AREL1: variants seen among roughly 807,000 people sequenced by gnomAD.
The protein encoded by AREL1 is apoptosis resistant E3 ubiquitin protein ligase 1, also known as apoptosis-resistant E3 ubiquitin protein ligase 1.
Under a neutral mutation model 99.0 loss-of-function variants are expected in AREL1, and 62 were observed. The observed-to-expected ratio is 0.63, with a 90% CI of 0.51 to 0.77. The LOEUF is 0.77. AREL1 is among the 30% of genes least tolerant of loss of function. AREL1 has a pLI of 0.00. For synonymous variants in AREL1, 380 were observed against 376.5 expected, an observed-to-expected ratio of 1.01 and a Z score of -0.11; for missense variants, 879 against 1,027.6, an observed-to-expected ratio of 0.86 and a Z score of 1.98.
At chr14:74,702,918 C>G (rs2090112019) in intron 1 of AREL1, among the ~76,000 whole-genome samples, 1 of 152,182 alleles carries the variant, frequency 6.6e-6, no homozygotes, top group African/African-American at 2.4e-5. Flanking sequence ...GAGACCACCT[C>G]AGCCTGGATT....
At chr14:74,690,761 T>C (rs999155551) in intron 2 of AREL1, among the ~76,000 whole-genome samples, 7 of 152,212 alleles carry the variant, frequency 4.6e-5, no homozygotes, top group Admixed American at 6.5e-5. Flanking sequence ...TTTATAAATA[T>C]GGCATATTGT....
chr14:74,705,449 C>G (rs1377747332), intron 1 of AREL1, among the ~76,000 whole-genome samples: 1 of 152,184 alleles, frequency 6.6e-6, no homozygotes, highest in Non-Finnish European at 1.5e-5. Context: ...TTTAGTCCCT[C>G]ACTTCTCTCC....
At chr14:74,684,399 G>A in intron 4 of AREL1, 55 bp downstream of exon 4, 1 of 1,544,008 alleles carries the variant, frequency 6.5e-7, no homozygotes. Flanking sequence ...CTGGGCTCTG[G>A]AAAGCAAGTT....
rs775067294 is a variant in AREL1, at chr14:74,684,431, T to C, written c.243+23A>G. On this transcript the variant is annotated intron_variant, in intron 4 of 19. Coordinates refer to ENST00000356357, the MANE Select transcript of AREL1 (RefSeq NM_001039479.2). ...AGTTACTCAGAAACCCCAATGGGTATGGAGACAGAAACATTCCCTTACATG... is the reference window on the plus strand; with the variant it reads ...AGTTACTCAGAAACCCCAATGGGTACGGAGACAGAAACATTCCCTTACATG... 2.7e-5 allele frequency: 43 copies of C among 1,610,120 alleles called. 1 individual carries two copies. In the South Asian group the frequency reaches 3.3e-4, roughly 12 times the overall value.
rs1162037372 is a variant in AREL1, at chr14:74,662,359, AT to A, written c.*1360del. On this transcript the variant is annotated 3_prime_UTR_variant, in exon 20 of 20. Transcript: ENST00000356357. ...TTTGGCAATAAAGATGGCTTGTAAT[AT>A]TCTCAGAGTTGACTGCCCCATTGGG... 2.6e-6 allele frequency: 1 copy of A among 384,138 alleles called. No homozygotes were observed. The highest frequency in any genetic ancestry group is 4.6e-6 in the Non-Finnish European group (1 of 217,234). 23.8% of individuals were successfully genotyped at this position (384,138 alleles called of 1,614,324 possible).
At position 74,667,504 on chromosome 14, in the gene AREL1, C is replaced by T; in HGVS notation, c.2005G>A (p.Ala669Thr). The change falls in exon 16 of 20, where the codon GCC becomes ACC. Residue 669 changes from alanine to threonine, a missense_variant. By Grantham distance (58) the Ala-to-Thr change is moderately conservative. Transcript: ENST00000356357. The stretch of plus-strand genomic sequence containing the variant: ...TCCACCTCCTCTTTCACTTGACTGG[C>T]CAGCCGATATTGGGCCAGCAAATTT... Reference protein sequence around the residue: ...YLNLLAQYRLASQVKEEVEHF... With the variant: ...YLNLLAQYRLTSQVKEEVEHF... 6.2e-7 allele frequency: 1 copy of T among 1,613,736 alleles called. No individual in the cohort carries two copies. The highest frequency in any genetic ancestry group is 8.5e-7 in the Non-Finnish European group (1 of 1,179,780).
Position 74,689,065 on chromosome 14 carries a change from C to A in AREL1, c.-46+2976G>T, listed in dbSNP as rs143798222. On this transcript the variant is annotated intron_variant, in intron 2 of 19. Transcript: ENST00000356357. ...GTTTCACCATGTCAGCCAGGCTGCT[C>A]TTGAACTCCTGACCTCAAGTGAACC... is the stretch of plus-strand genomic sequence containing the variant. Among the ~76,000 whole-genome samples, 3 of 151,050 alleles carry A rather than the reference C, an allele frequency of 2.0e-5. No homozygotes were observed. The East Asian group carries it at 5.8e-4, about 29-fold the overall frequency.
chr14:74,679,416 T>C (rs2089576584), intron 5 of AREL1, among the ~76,000 whole-genome samples: 1 of 152,130 alleles, frequency 6.6e-6, no homozygotes, highest in South Asian at 2.1e-4. Context: ...AGTGATACCC[T>C]GTCTCCAAAA....
chr14:74,671,605 T>C, intron 11 of AREL1, 122 bp from the exon 12 acceptor site: 1 of 538,150 alleles, frequency 1.9e-6, no homozygotes, highest in Non-Finnish European at 3.3e-6. Flanking sequence ...GAAGGAGATA[T>C]GTTACTCATA....
At chr14:74,701,053 G>A (rs2139974833) in intron 1 of AREL1, among the ~76,000 whole-genome samples, 1 of 152,258 alleles carries the variant, frequency 6.6e-6, no homozygotes, top group South Asian at 2.1e-4. Flanking sequence ...TAGTCACATT[G>A]GTTGAGGGTG....
At chr14:74,669,905 T>C (rs1294942815) in intron 14 of AREL1, 42 bp downstream of exon 14, 3 of 1,582,132 alleles carry the variant, frequency 1.9e-6, no homozygotes, top group African/African-American at 1.4e-5. Context: ...TCAGGGTTAA[T>C]GGCCAGGGGC....
intron 1 of AREL1, among the ~76,000 whole-genome samples, chr14:74,695,980 T>C (rs914564354): frequency 2.0e-5 from 3 of 152,324 alleles, no homozygotes; most frequent in Non-Finnish European, 2.9e-5. Flanking sequence ...CTTTCAGAAG[T>C]GAGAATCCAA....
At chr14:74,686,585 T>C (rs2089753118) in intron 2 of AREL1, among the ~76,000 whole-genome samples, 1 of 152,234 alleles carries the variant, frequency 6.6e-6, no homozygotes, top group Non-Finnish European at 1.5e-5. Context: ...CAACACCTTT[T>C]ATCAGCACTA....
At chr14:74,671,231 C>T (rs990530807) in intron 12 of AREL1, among the ~76,000 whole-genome samples, 177 bp downstream of exon 12, 1 of 151,444 alleles carries the variant, frequency 6.6e-6, no homozygotes, top group African/African-American at 2.4e-5. Flanking sequence ...TAAATACTAC[C>T]CTTTTTTTCT....
In AREL1 at chr14:74,667,554, G is replaced by A. The variant is rs761519601; in HGVS notation, c.1955C>T (p.Thr652Ile). ...TAAATAGAAGATTTTATTCGCATTG[G>A]TGACTGGAGTTTGAGCTCCACCTGT... ...LMTGGAQTPV[T>I]NANKIFYLNL... The change falls in exon 16 of 20, where the codon ACC (threonine) becomes ATC (isoleucine). Residue 652 changes from threonine (T) to isoleucine (I), a missense_variant. Coordinates refer to ENST00000356357, the MANE Select transcript of AREL1 (RefSeq NM_001039479.2). The A allele has an allele frequency of 5.0e-6, 8 of 1,613,720 alleles. No individual in the cohort carries two copies. The highest frequency in any genetic ancestry group is 6.8e-6 in the Non-Finnish European group (8 of 1,179,784).
intron 2 of AREL1, among the ~76,000 whole-genome samples, chr14:74,688,041 T>A (rs1179142803): frequency 6.8e-6 from 1 of 147,392 alleles, no homozygotes; most frequent in Non-Finnish European, 1.5e-5. Flanking sequence ...TTTTTTTTTT[T>A]TTTTGACGGA....
rs780978467 is a variant in AREL1 at position 74,670,071 on chromosome 14, G to A, written c.1664C>T (p.Ala555Val). ...AHLRLKMYEF[A>V]GRLVGKCLYE... Reference sequence around the variant, plus strand: ...GAGACACTTGCCCACGAGCCGTCCCGCAAACTCATACATTTTCAGGCGCAG... The same window carrying A: ...GAGACACTTGCCCACGAGCCGTCCCACAAACTCATACATTTTCAGGCGCAG... The change falls in exon 14 of 20, where the codon GCG becomes GTG. Residue 555 changes from alanine to valine, a missense_variant. Physicochemically the swap from Ala to Val is moderately conservative, Grantham distance 64. Transcript: ENST00000356357. 24 of 1,613,556 alleles carry A rather than the reference G, an allele frequency of 1.5e-5. No individual in the cohort carries two copies. The highest frequency in any genetic ancestry group is 2.2e-5 in the East Asian group (1 of 44,872).
In AREL1 at chr14:74,663,573, T is replaced by C; in HGVS notation, c.*147A>G. 1 of 829,234 alleles carries C rather than the reference T, an allele frequency of 1.2e-6. No individual in the cohort carries two copies. 51.4% of individuals were successfully genotyped at this position (829,234 alleles called of 1,614,324 possible). On this transcript the variant is annotated 3_prime_UTR_variant, in exon 20 of 20. Transcript: ENST00000356357. Reference sequence around the variant, plus strand: ...GCAGGTGAGGTAAAGACAAGGCTTGTAGGTGACAAAATCCTCCAGACACAG... The same window carrying C: ...GCAGGTGAGGTAAAGACAAGGCTTGCAGGTGACAAAATCCTCCAGACACAG...
intron 15 of AREL1, among the ~76,000 whole-genome samples, chr14:74,668,882 G>A (rs1378922544): frequency 6.6e-6 from 1 of 152,042 alleles, no homozygotes; most frequent in Non-Finnish European, 1.5e-5. Flanking sequence ...AAAAAGTTTT[G>A]GTTTTATTAT....
Sources: gnomAD v4.1 joint callset for allele counts (sites outside exome capture counted in the v4.1 genomes callset) on GRCh38, gnomAD v4.1.1 for gene constraint, MANE v1.5 for transcripts, NCBI Gene and HGNC (gene_info 2026-07-23, HGNC 2026-07-21) for gene names.